The following CCDC77 variants were observed in gnomAD, a reference collection of about 807,000 sequenced individuals.
CCDC77 encodes coiled-coil domain-containing protein 77.
Under a neutral mutation model 66.8 loss-of-function variants are expected in CCDC77, and 56 were observed. The observed-to-expected ratio is 0.84, with a 90% confidence interval of 0.68 to 1.05. The LOEUF is 1.05. Among genes scored for constraint, CCDC77 ranks in the 50% least tolerant of loss-of-function variants. The pLI, the probability that CCDC77 is intolerant of heterozygous loss-of-function variation, is 0.00. For missense variants in CCDC77, 570 were observed against 576.8 expected (o/e 0.99, Z 0.12); for synonymous variants, 196 against 195.2 (o/e 1.00, Z -0.03).
chr12:410,647 G>A, intron 3 of CCDC77, among the ~76,000 whole-genome samples: 1 of 148,664 alleles, frequency 6.7e-6, no homozygotes, highest in East Asian at 2.0e-4. Flanking sequence ...CTGCGTTCAA[G>A]CAATTATTCT....
At chr12:416,834 A>G (rs1023773539) in intron 4 of CCDC77, among the ~76,000 whole-genome samples, 3 of 152,014 alleles carry the variant, frequency 2.0e-5, no homozygotes, top group Non-Finnish European at 4.4e-5. Flanking sequence ...TTTGTCAGGC[A>G]TGGTGGCTCG....
Position 423,485 on chromosome 12 carries a change from T to G in CCDC77, c.413+4849T>G, listed in dbSNP as rs1402987529. Among the ~76,000 whole-genome samples the G allele has an allele frequency of 8.0e-3, 258 of 32,144 alleles. 8 individuals carry two copies. The highest frequency in any genetic ancestry group is 0.024 in the African/African-American group (164 of 6,930). 21.1% of individuals were successfully genotyped at this position (32,144 alleles called of 152,430 possible). A position where few individuals can be genotyped will look rare whatever the true frequency, so the allele number is the denominator to read the frequency against. ...TGTTTTTTGTGTTTTTTGTGTTTTT[T>G]TTTGTTTTGTTTTTTTTTTTTTTTT... On this transcript the variant is annotated intron_variant, in intron 5 of 12. Coordinates refer to ENST00000239830, the MANE Select transcript of CCDC77 (RefSeq NM_032358.4).
chr12:418,189 T>C (rs1210165624), intron 4 of CCDC77, among the ~76,000 whole-genome samples: 1 of 152,068 alleles, frequency 6.6e-6, no homozygotes, highest in Non-Finnish European at 1.5e-5. Flanking sequence ...CATGGTGGCA[T>C]GCACCTGTAA....
rs985119312 is a variant in CCDC77 at position 416,562 on chromosome 12, C to T, written c.271-1932C>T. Among the ~76,000 whole-genome samples the T allele has an allele frequency of 8.0e-5, 12 of 149,612 alleles. No homozygotes were observed. The East Asian group carries it at 2.2e-3, about 27-fold the overall frequency. On this transcript the variant is annotated intron_variant, in intron 4 of 12. Coordinates refer to ENST00000239830, the MANE Select transcript of CCDC77 (RefSeq NM_032358.4). Reference sequence around the variant, plus strand: ...CCCAAGTAGCTGGGATTATAGGGTGCGCCACCACACTCAGCTGATTTTTGT... The same window carrying T: ...CCCAAGTAGCTGGGATTATAGGGTGTGCCACCACACTCAGCTGATTTTTGT...
chr12:440,693 A>C lies in CCDC77; in HGVS notation c.1118A>C (p.Glu373Ala). The C allele has an allele frequency of 1.2e-6, 2 of 1,614,210 alleles. No homozygotes were observed. The highest frequency in any genetic ancestry group is 1.7e-6 in the Non-Finnish European group (2 of 1,180,042). Residue 373 changes from glutamate (E) to alanine (A), a missense_variant, in exon 11 of 13, where the codon GAA becomes GCA. Physicochemically the swap from Glu to Ala is moderately radical, Grantham distance 107 (BLOSUM62 -1). Transcript: ENST00000239830. ...GAGCAGTGCATTTCCTTAGAAGAAG[A>C]ACTTGCCCGAATTCGTGAGGAAGAG... Reference protein sequence around the residue: ...YQEQCISLEEELARIREEEGM... With the variant: ...YQEQCISLEEALARIREEEGM...
intron 5 of CCDC77, among the ~76,000 whole-genome samples, chr12:423,470 GTTTTTT>G (rs1945457329): frequency 0.074 from 3,302 of 44,842 alleles, 270 homozygotes; most frequent in African/African-American, 0.23. Context: ...TGTTTTTTGT[GTTTTTT>G]GTGTTTTTTT....
chr12:442,513 CTT>C lies in CCDC77; in HGVS notation c.*595_*596del, dbSNP rs1296520336. On this transcript the variant is annotated 3_prime_UTR_variant, in exon 13 of 13. Transcript: ENST00000239830. ...TCCATCTGGAAAGATTCGGGAGACA[CTT>C]TGCCGAGGGGATGAAGCTGAGATGA... is the stretch of plus-strand genomic sequence containing the variant. The C allele has an allele frequency of 6.6e-5, 10 of 152,308 alleles. No individual in the cohort carries two copies. In the East Asian group the frequency reaches 1.9e-3, roughly 29 times the overall value. 9.4% of individuals were successfully genotyped at this position (152,308 alleles called of 1,614,324 possible).
intron 9 of CCDC77, among the ~76,000 whole-genome samples, chr12:436,506 G>C (rs1945761786): frequency 6.6e-6 from 1 of 152,098 alleles, no homozygotes; most frequent in Non-Finnish European, 1.5e-5. Context: ...TTACAGGCGG[G>C]AGCCATCGCG....
exon 1 of CCDC77, chr12:389,432 C>T (rs1234582949): frequency 2.1e-6 from 1 of 482,394 alleles, no homozygotes; most frequent in Non-Finnish European, 3.8e-6. Flanking sequence ...GGCTGTTTGT[C>T]TCCTTGCCCG....
chr12:413,777 G>A lies in CCDC77; in HGVS notation c.270+1799G>A, dbSNP rs1307946172. On this transcript the variant is annotated intron_variant, in intron 4 of 12. Coordinates refer to ENST00000239830, the MANE Select transcript of CCDC77 (RefSeq NM_032358.4). ...CGAGTAGCTGGGATTACAGGTGCAC[G>A]CCACCACACCTGGCTAATTTTTTGT... is the stretch of plus-strand genomic sequence containing the variant. 9.9e-5 allele frequency among the ~76,000 whole-genome samples: 15 copies of A among 150,892 alleles called. No homozygotes were observed. In the South Asian group the frequency reaches 1.5e-3, roughly 15 times the overall value.
intron 5 of CCDC77, among the ~76,000 whole-genome samples, chr12:428,270 T>C (rs544091988): frequency 6.6e-6 from 1 of 152,124 alleles, no homozygotes; most frequent in East Asian, 1.9e-4. Flanking sequence ...CCCAGCACTT[T>C]GGGAGGCCGA....
intron 2 of CCDC77, among the ~76,000 whole-genome samples, chr12:406,903 C>T (rs1253202693): frequency 2.6e-5 from 4 of 152,194 alleles, no homozygotes; most frequent in Non-Finnish European, 4.4e-5. Context: ...GCCGAGATTG[C>T]GCCATCGCAC....
upstream of CCDC77, among the ~76,000 whole-genome samples, chr12:397,684 T>C (rs1944846080): frequency 6.6e-6 from 1 of 152,040 alleles, no homozygotes; most frequent in African/African-American, 2.4e-5. Context: ...TCTTGCTCTG[T>C]CACCCAGGCT....
chr12:440,660 T>C lies in CCDC77; in HGVS notation c.1085T>C (p.Met362Thr), dbSNP rs1591997287. The C allele has an allele frequency of 6.2e-7, 1 of 1,614,204 alleles. No individual in the cohort carries two copies. Among genetic ancestry groups the C allele is most frequent in the East Asian group, 2.2e-5 (1 of 44,894 alleles). ...KLVQEKKLSN[M>T]YQEQCISLEE... is the part of the protein sequence containing the mutation. ...GTACAAGAGAAAAAGCTGTCCAATA[T>C]GTACCAAGAGCAGTGCATTTCCTTA... The change falls in exon 11 of 13, where the codon ATG (methionine) becomes ACG (threonine). Residue 362 changes from methionine to threonine, a missense_variant. Transcript: ENST00000239830.
intron 4 of CCDC77, among the ~76,000 whole-genome samples, chr12:417,383 T>C (rs559647593): frequency 2.0e-5 from 3 of 152,120 alleles, no homozygotes; most frequent in Admixed American, 6.6e-5. Flanking sequence ...ATCTGTCAAG[T>C]GTCAGCTCTT....
At chr12:398,996 C>T (rs1353440866), upstream of CCDC77, among the ~76,000 whole-genome samples, 1 of 152,032 alleles carries the variant, frequency 6.6e-6, no homozygotes, top group Non-Finnish European at 1.5e-5. Flanking sequence ...AAGTGATCCA[C>T]CCACGTTGGC....
chr12:440,988 T>C lies in CCDC77; in HGVS notation c.1312T>C (p.Leu438=). Residue 438 remains leucine, a synonymous_variant, in exon 12 of 13, where the codon TTG becomes CTG. Coordinates refer to ENST00000239830, the MANE Select transcript of CCDC77 (RefSeq NM_032358.4). ...RQKLKDLEQM[L]YKATVNARAN... ...GAAACTGAAAGACTTGGAGCAAATG[T>C]TGTATAAGGTAATTGCTGGTCCTGA... 1 of 1,610,688 alleles carries C rather than the reference T, an allele frequency of 6.2e-7. No individual in the cohort carries two copies. The highest frequency in any genetic ancestry group is 8.5e-7 in the Non-Finnish European group (1 of 1,179,996).
chr12:407,108 C>G (rs779933416), intron 2 of CCDC77, among the ~76,000 whole-genome samples: 15 of 152,124 alleles, frequency 9.9e-5, no homozygotes, highest in Non-Finnish European at 2.1e-4. Flanking sequence ...GAGTTTGAGA[C>G]AAGCCTAGGC....
chr12:395,411 G>A (rs971089269), intron 1 of CCDC77, among the ~76,000 whole-genome samples: 1 of 152,088 alleles, frequency 6.6e-6, no homozygotes, highest in Non-Finnish European at 1.5e-5. Flanking sequence ...TTTGAATAGA[G>A]GCTACTTTAT....
Sources: allele counts gnomAD v4.1 joint callset (sites outside exome capture counted in the v4.1 genomes callset), GRCh38; gene constraint gnomAD v4.1.1; transcripts MANE v1.5; gene names NCBI Gene and HGNC (gene_info 2026-07-23, HGNC 2026-07-21).